MAGI1: variants seen among roughly 807,000 people sequenced by gnomAD.
MAGI1 encodes membrane associated guanylate kinase, WW and PDZ domain containing 1.
Under a neutral mutation model 139.9 loss-of-function variants are expected in MAGI1, and 58 were observed. That is an observed-to-expected ratio of 0.41 (90% CI 0.34 to 0.52). The LOEUF is 0.52. Ranked by LOEUF, MAGI1 falls within the 20% of genes least tolerant of loss-of-function variation. The pLI, the probability that MAGI1 is intolerant of heterozygous loss-of-function variation, is 0.12. For missense variants in MAGI1, 1,874 were observed against 1,901.6 expected (o/e 0.99, Z 0.27); for synonymous variants, 812 against 737.9 (o/e 1.10, Z -1.63).
intron 2 of MAGI1, among the ~76,000 whole-genome samples, chr3:65,516,821 G>A (rs1023531065): frequency 5.9e-5 from 8 of 135,866 alleles, no homozygotes; most frequent in East Asian, 2.5e-4. Context: ...TCCGCCTCCC[G>A]GGTTCACGCC....
At chr3:65,664,061 T>C (rs970421441) in intron 1 of MAGI1, among the ~76,000 whole-genome samples, 1 of 152,214 alleles carries the variant, frequency 6.6e-6, no homozygotes, top group Non-Finnish European at 1.5e-5. Flanking sequence ...GTGATACTTA[T>C]GATCATTACA....
intron 18 of MAGI1, among the ~76,000 whole-genome samples, chr3:65,369,584 T>G (rs1195793199): frequency 6.6e-6 from 1 of 151,516 alleles, no homozygotes; most frequent in African/African-American, 2.4e-5. Context: ...TCTTGACTCA[T>G]AGCAACCTCC....
intron 1 of MAGI1, among the ~76,000 whole-genome samples, chr3:65,890,547 A>G (rs1559982091): frequency 6.6e-6 from 1 of 152,240 alleles, no homozygotes; most frequent in Non-Finnish European, 1.5e-5. Context: ...GCACAGATCC[A>G]AGGACCAAAA....
rs144404010 is a variant in MAGI1, at chr3:65,429,852, C to T, written c.1835G>A (p.Ser612Asn). ...ACTATTTGAAGCCACGTCCGCTGGG[C>T]TGCTTGGCCTGGCATCCTTCATGCC... ...VNGMKDARPS[S>N]PADVASNSSH... The change falls in exon 12 of 23, where the codon AGC becomes AAC. Residue 612 changes from serine to asparagine, a missense_variant. Physicochemically the swap from Ser to Asn is conservative, Grantham distance 46. Coordinates refer to ENST00000402939, the MANE Select transcript of MAGI1 (RefSeq NM_001033057.2). 38 of 1,613,914 alleles carry T rather than the reference C, an allele frequency of 2.4e-5. No homozygotes were observed. The highest frequency in any genetic ancestry group is 3.1e-5 in the Non-Finnish European group (37 of 1,179,968).
At chr3:65,666,860 C>A (rs1175890608) in intron 1 of MAGI1, among the ~76,000 whole-genome samples, 2 of 152,200 alleles carry the variant, frequency 1.3e-5, no homozygotes, top group Non-Finnish European at 2.9e-5. Flanking sequence ...CAGCTGCACC[C>A]TTTGCTCATG....
chr3:65,690,835 T>C (rs1228336386), intron 1 of MAGI1, among the ~76,000 whole-genome samples: 3 of 150,062 alleles, frequency 2.0e-5, no homozygotes, highest in African/African-American at 2.5e-5. Flanking sequence ...ATGTTAAAAA[T>C]TGATATTTTG....
intron 1 of MAGI1, among the ~76,000 whole-genome samples, chr3:65,695,293 G>C (rs186817733): frequency 2.9e-3 from 437 of 148,554 alleles, no homozygotes; most frequent in Non-Finnish European, 5.0e-3. Flanking sequence ...CCTGATTCAG[G>C]CATCACCCCC....
At chr3:65,921,366 G>A (rs2062175268) in intron 1 of MAGI1, among the ~76,000 whole-genome samples, 1 of 151,548 alleles carries the variant, frequency 6.6e-6, no homozygotes, top group Non-Finnish European at 1.5e-5. Flanking sequence ...GGAGTGCAGG[G>A]GGCACAATCT....
At chr3:65,490,269 T>A (rs1951908151) in intron 3 of MAGI1, among the ~76,000 whole-genome samples, 1 of 152,168 alleles carries the variant, frequency 6.6e-6, no homozygotes, top group African/African-American at 2.4e-5. Flanking sequence ...AATGGAGACA[T>A]GCAGCATTAA....
chr3:65,884,717 C>T (rs991571817), intron 1 of MAGI1, among the ~76,000 whole-genome samples: 1 of 152,022 alleles, frequency 6.6e-6, no homozygotes, highest in African/African-American at 2.4e-5. Flanking sequence ...ACAATCCCAC[C>T]AGGCATTTTT....
chr3:65,562,834 G>A (rs1027940248), intron 2 of MAGI1, among the ~76,000 whole-genome samples: 2 of 152,164 alleles, frequency 1.3e-5, no homozygotes, highest in Admixed American at 1.3e-4. Context: ...TTATTCATAT[G>A]TATTTAAAGC....
intron 1 of MAGI1, among the ~76,000 whole-genome samples, chr3:65,860,497 G>A (rs894155522): frequency 6.6e-6 from 1 of 152,154 alleles, no homozygotes; most frequent in Non-Finnish European, 1.5e-5. Flanking sequence ...CACCGATCCG[G>A]GCAGCCCGCG....
chr3:65,545,781 C>CA (rs1164512652), intron 2 of MAGI1, among the ~76,000 whole-genome samples: 2 of 151,782 alleles, frequency 1.3e-5, no homozygotes, highest in African/African-American at 2.4e-5. Flanking sequence ...CCCTTCCCCT[C>CA]AAAAAAATGT....
intron 12 of MAGI1, among the ~76,000 whole-genome samples, chr3:65,427,971 G>A (rs554614683): frequency 6.6e-6 from 1 of 152,232 alleles, no homozygotes; most frequent in South Asian, 2.1e-4. Flanking sequence ...AAATTAGTTG[G>A]TGGAAATGAC....
At chr3:65,759,056 G>C (rs1236943771) in intron 1 of MAGI1, among the ~76,000 whole-genome samples, 1 of 112,336 alleles carries the variant, frequency 8.9e-6, no homozygotes, top group African/African-American at 3.8e-5. Flanking sequence ...AGAACTGTTA[G>C]GCCCAGTGCA....
At chr3:65,813,608 G>A (rs1399376717) in intron 1 of MAGI1, among the ~76,000 whole-genome samples, 1 of 152,104 alleles carries the variant, frequency 6.6e-6, no homozygotes, top group Non-Finnish European at 1.5e-5. Flanking sequence ...TTTCTGGGAG[G>A]AATTTTAGCA....
In MAGI1 at chr3:66,038,881, C is replaced by A. The variant is rs2069078546; in HGVS notation, c.-573G>T. The A allele has an allele frequency of 6.6e-6, 1 of 152,062 alleles. No homozygotes were observed. Among genetic ancestry groups the A allele is most frequent in the African/African-American group, 2.4e-5 (1 of 41,430 alleles). 9.4% of individuals were successfully genotyped at this position (152,062 alleles called of 1,614,324 possible). The stretch of plus-strand genomic sequence containing the variant: ...TTACAGTTCATTCTATTCCGCGCCG[C>A]GGAGCGCAGCGGCCGGCGACAGGAG... On this transcript the variant is annotated 5_prime_UTR_variant, in exon 1 of 23. Coordinates refer to ENST00000402939, the MANE Select transcript of MAGI1 (RefSeq NM_001033057.2).
chr3:65,378,412 A>G (rs1279744787), intron 17 of MAGI1, among the ~76,000 whole-genome samples: 1 of 152,154 alleles, frequency 6.6e-6, no homozygotes, highest in African/African-American at 2.4e-5. Flanking sequence ...AAAAATTCCT[A>G]TGGGGATAGA....
chr3:66,014,895 C>G (rs1358969268), intron 1 of MAGI1, among the ~76,000 whole-genome samples: 1 of 152,118 alleles, frequency 6.6e-6, no homozygotes, highest in East Asian at 1.9e-4. Context: ...AACATTCCAC[C>G]CCATCTCTAT....
Sources: gnomAD v4.1 joint callset for allele counts (sites outside exome capture counted in the v4.1 genomes callset) on GRCh38, gnomAD v4.1.1 for gene constraint, MANE v1.5 for transcripts, NCBI Gene and HGNC (gene_info 2026-07-23, HGNC 2026-07-21) for gene names.